WASL: variants seen among roughly 807,000 people sequenced by gnomAD.
The protein encoded by WASL is WASP like actin nucleation promoting factor, also known as actin nucleation-promoting factor WASL.
In WASL, 20 loss-of-function variants were observed where a neutral mutation model predicts 55.5. The ratio of observed to expected loss-of-function variants is 0.36; its 90% CI spans 0.25 to 0.52. The LOEUF is 0.52. Among genes scored for constraint, WASL ranks in the 20% least tolerant of loss-of-function variants. The pLI is 0.92. For missense variants in WASL, 504 were observed against 622.5 expected (o/e 0.81, Z 2.03); for synonymous variants, 249 against 217.6 (o/e 1.14, Z -1.27).
chr7:123,724,708 T>C (rs1423448200), intron 1 of WASL, among the ~76,000 whole-genome samples: 2 of 152,188 alleles, frequency 1.3e-5, no homozygotes, highest in African/African-American at 4.8e-5. Context: ...ATCAAAATTG[T>C]CTTAAACAAT....
At chr7:123,717,036 A>C (rs989100636) in intron 1 of WASL, among the ~76,000 whole-genome samples, 2 of 152,142 alleles carry the variant, frequency 1.3e-5, no homozygotes, top group African/African-American at 4.8e-5. Flanking sequence ...TGCCAGCTAA[A>C]TGATCCTCCA....
In WASL at chr7:123,709,206, C is replaced by T. The variant is rs1584863154; in HGVS notation, c.135G>A (p.Val45=). ...GKKCVTMSSA[V]VQLYAADRNC... The stretch of plus-strand genomic sequence containing the variant: ...TCCGATCTGCTGCATATAACTGCAC[C>T]ACTGCTGAAGACATAGTCTGCAAAA... The change falls in exon 2 of 11, where the codon GTG becomes GTA. Residue 45 remains valine (V), a synonymous_variant. Transcript: ENST00000223023. 1.1e-5 allele frequency: 17 copies of T among 1,607,968 alleles called. No homozygotes were observed. In the East Asian group the frequency reaches 3.8e-4, roughly 36 times the overall value.
intron 4 of WASL, 125 bp downstream of exon 4, chr7:123,706,152 C>T: frequency 5.6e-6 from 5 of 892,462 alleles, no homozygotes; most frequent in Non-Finnish European, 6.7e-6. Flanking sequence ...CCAAAGACAA[C>T]ATGTAAACCA....
chr7:123,727,352 G>GACACACACACACACACACACACACAC (rs1554406235), intron 1 of WASL, among the ~76,000 whole-genome samples: 1 of 55,454 alleles, frequency 1.8e-5, no homozygotes, highest in African/African-American at 9.1e-5. Context: ...AAAAATATGT[G>GACACACACACACACACACACACACAC]TCACACACAC....
At chr7:123,728,270 A>G (rs1431709604) in intron 1 of WASL, among the ~76,000 whole-genome samples, 1 of 152,238 alleles carries the variant, frequency 6.6e-6, no homozygotes, top group Non-Finnish European at 1.5e-5. Flanking sequence ...GACTGTCATT[A>G]TAAAAGGTAC....
chr7:123,699,238 C>T (rs1228662115), intron 5 of WASL, among the ~76,000 whole-genome samples: 3 of 152,078 alleles, frequency 2.0e-5, no homozygotes, highest in Non-Finnish European at 4.4e-5. Flanking sequence ...ATTAGCCGGG[C>T]GTGGTGGTGT....
intron 1 of WASL, among the ~76,000 whole-genome samples, chr7:123,739,994 A>C (rs1804308991): frequency 6.6e-6 from 1 of 151,794 alleles, no homozygotes; most frequent in Non-Finnish European, 1.5e-5. Flanking sequence ...TACAGTGAAT[A>C]ACTGAGGGGT....
At position 123,692,508 on chromosome 7, in the gene WASL, C is replaced by A. The variant is rs1236193350; in HGVS notation, c.1186G>T (p.Asp396Tyr). The A allele has an allele frequency of 4.3e-6, 7 of 1,614,066 alleles. No individual in the cohort carries two copies. The highest frequency in any genetic ancestry group is 5.9e-6 in the Non-Finnish European group (7 of 1,180,038). Residue 396 changes from aspartate (D) to tyrosine (Y), a missense_variant, in exon 9 of 11, where the codon GAC becomes TAC. This residue lies in a region of WASL where 201 missense variants were observed against 206.2 expected (regional missense o/e 0.97). Transcript: ENST00000223023. ...CCTGCAGTAGTTGGAACCTGATGGT[C>A]CCCATCAGAAGGCAGGCCAGGCGGG... ...PPPPGLPSDG[D>Y]HQVPTTAGNK...
intron 1 of WASL, chr7:123,720,436 G>A (rs1803925089): frequency 2.4e-6 from 1 of 424,130 alleles, no homozygotes; most frequent in Non-Finnish European, 4.6e-6. Flanking sequence ...AAAAGTAAGG[G>A]TAGCATATAC....
At chr7:123,700,717 C>T (rs1240560050) in intron 5 of WASL, among the ~76,000 whole-genome samples, 1 of 152,188 alleles carries the variant, frequency 6.6e-6, no homozygotes, top group African/African-American at 2.4e-5. Flanking sequence ...GGATTACAGG[C>T]GTGAGCCACC....
At chr7:123,686,199 A>ATTATTTAT (rs996186882) in intron 10 of WASL, among the ~76,000 whole-genome samples, 1 of 151,570 alleles carries the variant, frequency 6.6e-6, no homozygotes, top group Admixed American at 6.6e-5. Context: ...ATAATTATTT[A>ATTATTTAT]TTATTTATTT....
intron 1 of WASL, among the ~76,000 whole-genome samples, chr7:123,712,746 A>G (rs1412088812): frequency 6.6e-6 from 1 of 152,154 alleles, no homozygotes; most frequent in Non-Finnish European, 1.5e-5. Context: ...TATGTTAGCC[A>G]CTGCTGCAAT....
At chr7:123,698,471 AAAAGT>A (rs1448326510) in intron 5 of WASL, among the ~76,000 whole-genome samples, 2 of 152,284 alleles carry the variant, frequency 1.3e-5, no homozygotes, top group African/African-American at 4.8e-5. Flanking sequence ...ACCTTATCAA[AAAAGT>A]AAATAATTTG....
chr7:123,706,682 T>A, intron 3 of WASL, 58 bp downstream of exon 3: 1 of 1,229,356 alleles, frequency 8.1e-7, no homozygotes, highest in South Asian at 1.4e-5. Context: ...ATAATTTGGA[T>A]TAGAAAAGGC....
At chr7:123,709,567 A>G (rs1479041709) in intron 1 of WASL, among the ~76,000 whole-genome samples, 1 of 152,118 alleles carries the variant, frequency 6.6e-6, no homozygotes, top group Admixed American at 6.6e-5. Flanking sequence ...CCCGACACTA[A>G]AGGGGTTAAT....
intron 1 of WASL, among the ~76,000 whole-genome samples, chr7:123,740,087 A>G (rs1461060278): frequency 2.0e-5 from 3 of 152,152 alleles, no homozygotes; most frequent in Non-Finnish European, 2.9e-5. Flanking sequence ...TCAAGACTTG[A>G]CTACGTTTCA....
chr7:123,722,556 G>A (rs1015411420), intron 1 of WASL, among the ~76,000 whole-genome samples: 1 of 152,186 alleles, frequency 6.6e-6, no homozygotes, highest in Non-Finnish European at 1.5e-5. Context: ...GGTGGCTCAC[G>A]CCTGTAATCC....
At chr7:123,735,631 C>T (rs1015642624) in intron 1 of WASL, among the ~76,000 whole-genome samples, 3 of 151,994 alleles carry the variant, frequency 2.0e-5, no homozygotes, top group African/African-American at 7.2e-5. Context: ...ATGAAAACTA[C>T]AATGTCTGAA....
intron 9 of WASL, among the ~76,000 whole-genome samples, chr7:123,691,352 A>C (rs1049026330): frequency 1.3e-5 from 2 of 152,158 alleles, no homozygotes; most frequent in Non-Finnish European, 2.9e-5. Flanking sequence ...GGAGTCAGCA[A>C]ACTTGAGCCC....
Sources: allele counts gnomAD v4.1 joint callset (sites outside exome capture counted in the v4.1 genomes callset), GRCh38; gene constraint gnomAD v4.1.1; regional missense constraint gnomAD v4.1.1; transcripts MANE v1.5; gene names NCBI Gene and HGNC (gene_info 2026-07-23, HGNC 2026-07-21).